Variants in TTN observed in about 807,000 individuals in gnomAD.
TTN encodes the protein connectin.
TTN carries 1,525 observed loss-of-function variants against 3,223.0 expected under a neutral mutation model. That is an observed-to-expected ratio of 0.47 (90% CI 0.45 to 0.49). The LOEUF (loss-of-function observed/expected upper bound fraction) is 0.49. Among genes scored for constraint, TTN ranks in the 20% least tolerant of loss-of-function variants. The pLI is 0.00. For missense variants in TTN, 40,786 were observed against 43,424.0 expected, an observed-to-expected ratio of 0.94 and a Z score of 5.40; for synonymous variants, 14,094 against 15,161.0, an observed-to-expected ratio of 0.93 and a Z score of 5.17.
At position 178,574,717 on chromosome 2, in the gene TTN, A is replaced by G. The variant is rs2154171722; in HGVS notation, c.71415T>C (p.Asn23805=). Residue 23805 remains asparagine, a synonymous_variant, in exon 326 of 363, where the codon AAT becomes AAC. Transcript: ENST00000589042. ...LEYQFRVKAQ[N]RYGVGPGITS... is the part of the protein sequence containing the mutation. ...TGATGCCTGGTCCAACTCCATATCT[A>G]TTCTGAGCTTTTACACGGAACTGAT... 6.2e-7 allele frequency: 1 copy of G among 1,613,254 alleles called. No homozygotes were observed. The highest frequency in any genetic ancestry group is 8.5e-7 in the Non-Finnish European group (1 of 1,179,532).
intron 47 of TTN, chr2:178,750,183 T>A: frequency 6.2e-7 from 1 of 1,613,236 alleles, no homozygotes. Context: ...TCTTGACTCA[T>A]AGATGGATGG....
rs767890385 is a variant in TTN at position 178,557,042 on chromosome 2, A to G, written c.88112T>C (p.Ile29371Thr). 41 of 1,613,666 alleles carry G rather than the reference A, an allele frequency of 2.5e-5. No individual in the cohort carries two copies. Among genetic ancestry groups the G allele is most frequent in the Admixed American group, 1.2e-4 (7 of 59,980 alleles). The change falls in exon 330 of 363, where the codon ATT becomes ACT. Residue 29371 changes from isoleucine to threonine, a missense_variant. By Grantham distance (89) the Ile-to-Thr change is moderately conservative. Transcript: ENST00000589042. ...FDGGSKITGY[I>T]VERRDLPDGR... ...ATCTGGAAGGTCACGTCTCTCAACA[A>G]TGTAGCCTGTAATCTTGCTACCTCC...
rs727503693 is a variant in TTN, at chr2:178,776,491, G to T, written c.5373C>A (p.Thr1791=). The T allele has an allele frequency of 4.7e-5, 75 of 1,607,952 alleles. No individual in the cohort carries two copies. Among genetic ancestry groups the T allele is most frequent in the Non-Finnish European group, 6.2e-5 (73 of 1,179,986 alleles). The change falls in exon 28 of 363, where the codon ACC becomes ACA. Residue 1791 remains threonine (T), a synonymous_variant. Coordinates refer to ENST00000589042, the MANE Select transcript of TTN (RefSeq NM_001267550.2). ...NKYGTDHTSA[T]LIVKDEKSLV... The stretch of plus-strand genomic sequence containing the variant: ...GACTTTTCTCATCTTTAACAATAAG[G>T]GTAGCAGATGTGTGATCTGTTCCAT...
chr2:178,665,077 T>G (rs1323819231), intron 165 of TTN, among the ~76,000 whole-genome samples, 151 bp from the exon 166 acceptor site: 1 of 152,152 alleles, frequency 6.6e-6, no homozygotes, highest in Non-Finnish European at 1.5e-5. Flanking sequence ...AAGGGGTTAG[T>G]GGATCCTTGA....
chr2:178,729,188 G>T lies in TTN; in HGVS notation c.18869-19C>A, dbSNP rs1013976788. 1.3e-6 allele frequency: 2 copies of T among 1,553,746 alleles called. No individual in the cohort carries two copies. Among genetic ancestry groups the T allele is most frequent in the Non-Finnish European group, 8.7e-7 (1 of 1,152,164 alleles). On this transcript the variant is annotated intron_variant, in intron 64 of 362. Transcript: ENST00000589042. ...GGTGGTTCTGTGATTAAATAAGAGA[G>T]TGTGAAAAGAAGAAACATATTGTAA...
At chr2:178,630,396 T>C (rs757822487) in intron 238 of TTN, 29 bp from the exon 239 acceptor site, 3 of 1,569,960 alleles carry the variant, frequency 1.9e-6, no homozygotes, top group Non-Finnish European at 2.6e-6. Flanking sequence ...AAAACTTTCA[T>C]AGAAAATAAT....
intron 2 of TTN, 79 bp downstream of exon 2, chr2:178,804,472 CG>C: frequency 1.2e-5 from 16 of 1,390,426 alleles, no homozygotes; most frequent in Non-Finnish European, 1.6e-5. Flanking sequence ...TTAAACTTGG[CG>C]TCAAGTCCTG....
At chr2:178,668,679 C>G (rs1001757831) in intron 159 of TTN, among the ~76,000 whole-genome samples, 10 of 151,280 alleles carry the variant, frequency 6.6e-5, no homozygotes, top group Admixed American at 6.6e-4. Context: ...TTGCAGTGAG[C>G]CAAGATCGTG....
intron 221 of TTN, 78 bp from the exon 222 acceptor site, chr2:178,640,188 C>T: frequency 7.7e-7 from 1 of 1,305,296 alleles, no homozygotes; most frequent in East Asian, 2.4e-5. Flanking sequence ...AAAATTAAGC[C>T]CACGTATCTT....
intron 12 of TTN, 60 bp from the exon 13 acceptor site, chr2:178,789,557 G>T (rs2093378202): frequency 1.2e-6 from 2 of 1,604,800 alleles, no homozygotes; most frequent in East Asian, 2.2e-5. Context: ...CACATAGTAT[G>T]ACCCTTCCCC....
chr2:178,611,514 G>A lies in TTN; in HGVS notation c.50715C>T (p.Arg16905=). The A allele has an allele frequency of 6.2e-7, 1 of 1,612,906 alleles. No homozygotes were observed. The highest frequency in any genetic ancestry group is 8.5e-7 in the Non-Finnish European group (1 of 1,179,284). ...CCTTGAATTTCAAGTCCTTTATTGG[G>A]CGAGAATTAACTCTCATCCATTTCT... ...GTEKWMRVNS[R]PIKDLKFKVE... The change falls in exon 269 of 363, where the codon CGC becomes CGT. Residue 16905 remains arginine (R), a synonymous_variant. Coordinates refer to ENST00000589042, the MANE Select transcript of TTN (RefSeq NM_001267550.2).
rs2046501912 is a variant in TTN, at chr2:178,576,664, C to T, written c.69580G>A (p.Val23194Ile). 2.1e-5 allele frequency: 34 copies of T among 1,613,424 alleles called. No individual in the cohort carries two copies. The highest frequency in any genetic ancestry group is 2.6e-5 in the Non-Finnish European group (31 of 1,179,614). ...GTTACTTTGCACCTGAGATCGGAAA[C>T]TGGTGTTTTTATTGCTCTCACCCAT... is the stretch of plus-strand genomic sequence containing the variant. ...LRWVRAIKTP[V>I]SDLRCKVTGL... The change falls in exon 325 of 363, where the codon GTT becomes ATT. Residue 23194 changes from valine (V) to isoleucine (I), a missense_variant. Val to Ile is a conservative substitution (Grantham distance 29). Coordinates refer to ENST00000589042, the MANE Select transcript of TTN (RefSeq NM_001267550.2). This position sits in a 1 kb window ranked among gnomAD's most constrained non-coding sequence, Gnocchi z 4.3.
chr2:178,677,279 C>A lies in TTN; in HGVS notation c.34300G>T (p.Val11434Leu). The change falls in exon 147 of 363, where the codon GTG becomes TTG. Residue 11434 changes from valine to leucine, a missense_variant. Physicochemically the swap from Val to Leu is conservative, Grantham distance 32 (BLOSUM62 1). Transcript: ENST00000589042. ...TTCTCTGGTACAGGTTTCTTTGGCA[C>A]TTCAGGCACTTAAAAACATTTCATT... ...KVPVPAPVPEVPKKPVPEKKV... is the reference protein window; with the variant it reads ...KVPVPAPVPELPKKPVPEKKV... 8.3e-7 allele frequency: 1 copy of A among 1,199,000 alleles called. No homozygotes were observed. The highest frequency in any genetic ancestry group is 4.7e-5 in the Admixed American group (1 of 21,458). 74.3% of individuals were successfully genotyped at this position (1,199,000 alleles called of 1,614,324 possible).
At position 178,740,128 on chromosome 2, in the gene TTN, C is replaced by A. The variant is rs1258525111; in HGVS notation, c.13105G>T (p.Val4369Leu). Residue 4369 changes from valine to leucine, a missense_variant, in exon 48 of 363, where the codon GTG (valine) becomes TTG (leucine). Transcript: ENST00000589042. ...SKREPVAIKK[V>L]QEVQGRDLLS... ...AGGTCCCTTCCCTGTACCTCCTGCA[C>A]TTTCTTTATTGCCACGGGCTCTCTT... The A allele has an allele frequency of 1.9e-6, 3 of 1,613,744 alleles. No homozygotes were observed. Among genetic ancestry groups the A allele is most frequent in the African/African-American group, 1.3e-5 (1 of 74,922 alleles).
At position 178,567,481 on chromosome 2, in the gene TTN, G is replaced by A. The variant is rs1407844038; in HGVS notation, c.78651C>T (p.Val26217=). ...CAATGGTAGGTAGGGGCTTTCCATG[G>A]ACATCAGCCTCAAGTCTGAATGTTT... is the stretch of plus-strand genomic sequence containing the variant. ...AGETFRLEAD[V]HGKPLPTIEW... Residue 26217 remains valine (V), a synonymous_variant, in exon 326 of 363, where the codon GTC becomes GTT. Coordinates refer to ENST00000589042, the MANE Select transcript of TTN (RefSeq NM_001267550.2). The A allele has an allele frequency of 2.5e-6, 4 of 1,613,052 alleles. No homozygotes were observed. The highest frequency in any genetic ancestry group is 3.4e-6 in the Non-Finnish European group (4 of 1,179,478).
In TTN at chr2:178,771,491, C is replaced by A. The variant is rs770234398; in HGVS notation, c.7856-20G>T. The A allele has an allele frequency of 5.6e-6, 9 of 1,613,682 alleles. No homozygotes were observed. The African/African-American group carries it at 1.2e-4, about 22-fold the overall frequency. On this transcript the variant is annotated intron_variant, in intron 33 of 362. Coordinates refer to ENST00000589042, the MANE Select transcript of TTN (RefSeq NM_001267550.2). ...CCCCACCTTTGGAACAAGAGATGTA[C>A]AGTATGAGTCCTTTAAACATATTCA... is the stretch of plus-strand genomic sequence containing the variant.
rs1176526187 is a variant in TTN at position 178,564,164 on chromosome 2, A to G, written c.81968T>C (p.Met27323Thr). ...GKELEETAAR[M>T]EIKSTIQKTT... ...TTTCTGAATAGTAGATTTAATTTCC[A>G]TTCTAGCAGCTGTTTCTTCAAGTTC... Residue 27323 changes from methionine (M) to threonine (T), a missense_variant, in exon 326 of 363, where the codon ATG becomes ACG. By Grantham distance (81) the Met-to-Thr change is moderately conservative (BLOSUM62 -1). Transcript: ENST00000589042. 2 of 1,613,764 alleles carry G rather than the reference A, an allele frequency of 1.2e-6. No individual in the cohort carries two copies. The highest frequency in any genetic ancestry group is 2.2e-5 in the South Asian group (2 of 91,080).
chr2:178,659,234 A>C lies in TTN; in HGVS notation c.37307T>G (p.Val12436Gly). ...CACTGGCACTTTCTTTTCAGGAACA[A>C]CTTCTTTGGGAGCCTCAGGCACTTG... ...PVKVPEAPKEVVPEKKVPVPP... is the reference protein window; with the variant it reads ...PVKVPEAPKEGVPEKKVPVPP... The change falls in exon 181 of 363, where the codon GTT becomes GGT. Residue 12436 changes from valine (V) to glycine (G), a missense_variant. Coordinates refer to ENST00000589042, the MANE Select transcript of TTN (RefSeq NM_001267550.2). The C allele has an allele frequency of 1.4e-6, 1 of 700,654 alleles. No homozygotes were observed. The highest frequency in any genetic ancestry group is 2.3e-6 in the Non-Finnish European group (1 of 440,576). 43.4% of individuals were successfully genotyped at this position (700,654 alleles called of 1,614,324 possible). A position where few individuals can be genotyped will look rare whatever the true frequency, so the allele number is the denominator to read the frequency against.
At chr2:178,604,956 C>A in intron 280 of TTN, 31 bp downstream of exon 280, 1 of 1,590,784 alleles carries the variant, frequency 6.3e-7, no homozygotes, top group South Asian at 1.1e-5. Context: ...ACACTGGATG[C>A]CTTTTTGATG....
Sources: allele counts gnomAD v4.1 joint callset (sites outside exome capture counted in the v4.1 genomes callset), GRCh38; gene constraint gnomAD v4.1.1; non-coding constraint Gnocchi (gnomAD v3.1); transcripts MANE v1.5; gene names NCBI Gene and HGNC (gene_info 2026-07-23, HGNC 2026-07-21).